The following SECISBP2L variants were observed in gnomAD, a reference collection of about 807,000 sequenced individuals.
SECISBP2L encodes selenocysteine insertion sequence-binding protein 2-like.
In SECISBP2L, 43 loss-of-function variants were observed where a neutral mutation model predicts 114.7. That is an observed-to-expected ratio of 0.38 (90% CI 0.29 to 0.48). SECISBP2L has a LOEUF of 0.48. Ranked by LOEUF, SECISBP2L falls within the 20% of genes least tolerant of loss-of-function variation. The pLI is 0.98. For missense variants in SECISBP2L, 1,136 were observed against 1,301.1 expected, an observed-to-expected ratio of 0.87 and a Z score of 1.95; for synonymous variants, 451 against 439.7, an observed-to-expected ratio of 1.03 and a Z score of -0.32.
At chr15:49,023,693 GA>G (rs1447075107) in intron 7 of SECISBP2L, among the ~76,000 whole-genome samples, 1 of 152,164 alleles carries the variant, frequency 6.6e-6, no homozygotes, top group Non-Finnish European at 1.5e-5. Flanking sequence ...TGTCTAAAAG[GA>G]AAAAGTGTGG....
chr15:49,038,519 G>T (rs1259878063), intron 1 of SECISBP2L, among the ~76,000 whole-genome samples: 2 of 151,846 alleles, frequency 1.3e-5, no homozygotes, highest in Non-Finnish European at 2.9e-5. Context: ...ATAAAAGTCA[G>T]GATAGGAATT....
At chr15:49,014,264 T>C (rs531907516) in intron 11 of SECISBP2L, among the ~76,000 whole-genome samples, 1 of 152,310 alleles carries the variant, frequency 6.6e-6, no homozygotes, top group African/African-American at 2.4e-5. Flanking sequence ...TTATTTTTCT[T>C]ACTCTTTCTC....
chr15:49,015,285 C>CT (rs1902513895), intron 11 of SECISBP2L, among the ~76,000 whole-genome samples: 1 of 152,102 alleles, frequency 6.6e-6, no homozygotes, highest in Non-Finnish European at 1.5e-5. Flanking sequence ...TATTTTTACT[C>CT]TTAAGTGAGA....
chr15:48,992,843 T>G lies in SECISBP2L; in HGVS notation c.2707A>C (p.Thr903Pro). ...NEKEVSCKHSTSEKPSKLPFD... is the reference protein window; with the variant it reads ...NEKEVSCKHSPSEKPSKLPFD... Reference sequence around the variant, plus strand: ...GGAAGTTTACTGGGTTTTTCAGAAGTGCTGTGCTTACAGGATACCTCTTTC... The same window carrying G: ...GGAAGTTTACTGGGTTTTTCAGAAGGGCTGTGCTTACAGGATACCTCTTTC... The change falls in exon 18 of 18, where the codon ACT becomes CCT. Residue 903 changes from threonine to proline, a missense_variant. By Grantham distance (38) the Thr-to-Pro change is conservative. Coordinates refer to ENST00000559471, the MANE Select transcript of SECISBP2L (RefSeq NM_001193489.2). The G allele has an allele frequency of 6.2e-7, 1 of 1,614,174 alleles. No homozygotes were observed. The highest frequency in any genetic ancestry group is 8.5e-7 in the Non-Finnish European group (1 of 1,180,022).
Position 49,046,135 on chromosome 15 carries a change from G to C in SECISBP2L, c.24+141C>G, listed in dbSNP as rs1265184445. 7 of 907,494 alleles carry C rather than the reference G, an allele frequency of 7.7e-6. No homozygotes were observed. The African/African-American group carries it at 1.1e-4, about 14-fold the overall frequency. The allele number at this position is 907,494 out of a possible 1,614,324, so 56.2% of individuals were successfully genotyped here. ...CAGCTGGAACAATGAAGGAGAGCTG[G>C]GAGCTGCCAGGCTCCCAGGTGAGGG... On this transcript the variant is annotated intron_variant, in intron 1 of 17. Coordinates refer to ENST00000559471, the MANE Select transcript of SECISBP2L (RefSeq NM_001193489.2).
At chr15:48,996,120 C>G in intron 17 of SECISBP2L, 1 of 429,898 alleles carries the variant, frequency 2.3e-6, no homozygotes, top group East Asian at 4.5e-5. Flanking sequence ...GTGTGTTTTG[C>G]TTTTTAAAGC....
intron 8 of SECISBP2L, 154 bp from the exon 9 acceptor site, chr15:49,017,782 C>T (rs561970701): frequency 3.8e-6 from 2 of 527,798 alleles, no homozygotes; most frequent in South Asian, 2.8e-5. Context: ...TCATTTCTCA[C>T]ATGCTAAAAT....
At chr15:49,018,544 C>T (rs550958440) in intron 8 of SECISBP2L, among the ~76,000 whole-genome samples, 3 of 152,272 alleles carry the variant, frequency 2.0e-5, no homozygotes, top group Admixed American at 1.3e-4. Flanking sequence ...GCTGGGATTA[C>T]AGGCATTAGC....
At position 49,011,986 on chromosome 15, in the gene SECISBP2L, A is replaced by C. The variant is rs1012146993; in HGVS notation, c.1732-123T>G. The stretch of plus-strand genomic sequence containing the variant: ...AAACATGAACATGAGAAGTTTGGCT[A>C]ACTGGCAAAAAGGCAAATGTAATTT... On this transcript the variant is annotated intron_variant, in intron 12 of 17. Coordinates refer to ENST00000559471, the MANE Select transcript of SECISBP2L (RefSeq NM_001193489.2). 9.1e-6 allele frequency: 10 copies of C among 1,096,442 alleles called. No homozygotes were observed. In the African/African-American group the frequency reaches 1.6e-4, roughly 17 times the overall value. The allele number at this position is 1,096,442 out of a possible 1,614,324, so 67.9% of individuals were successfully genotyped here.
At chr15:49,013,365 C>T (rs529209844) in intron 11 of SECISBP2L, among the ~76,000 whole-genome samples, 26 of 152,256 alleles carry the variant, frequency 1.7e-4, no homozygotes, top group Middle Eastern at 3.4e-3. Context: ...GGCACGATCT[C>T]GGCTCACTGA....
At position 48,992,962 on chromosome 15, in the gene SECISBP2L, C is replaced by G. The variant is rs749056822; in HGVS notation, c.2624-36G>C. 40 of 1,543,284 alleles carry G rather than the reference C, an allele frequency of 2.6e-5. 2 individuals are homozygous for G. The South Asian group carries it at 4.8e-4, about 19-fold the overall frequency. ...CAAGCAGATTTTTTAAAAACCAGAA[C>G]ACTGTTTCAAAATCATGCAACTCTT... On this transcript the variant is annotated intron_variant, in intron 17 of 17. Coordinates refer to ENST00000559471, the MANE Select transcript of SECISBP2L (RefSeq NM_001193489.2).
At chr15:49,022,608 A>C (rs1212758984) in intron 7 of SECISBP2L, among the ~76,000 whole-genome samples, 1 of 152,138 alleles carries the variant, frequency 6.6e-6, no homozygotes, top group Admixed American at 6.5e-5. Context: ...TCTCAAAAAA[A>C]AGATTCAAAA....
intron 6 of SECISBP2L, 148 bp downstream of exon 6, chr15:49,027,996 C>T (rs1161995797): frequency 1.4e-6 from 1 of 728,258 alleles, no homozygotes; most frequent in East Asian, 2.7e-5. Flanking sequence ...TCAAGCTGAT[C>T]AGCAAAACTG....
In SECISBP2L at chr15:49,033,114, AAAAC is replaced by A; in HGVS notation, c.529-18_529-15del. 6.2e-7 allele frequency: 1 copy of A among 1,600,410 alleles called. No individual in the cohort carries two copies. Among genetic ancestry groups the A allele is most frequent in the Non-Finnish European group, 8.5e-7 (1 of 1,176,184 alleles). ...TAAAAGCTGTTGCTGATTTAAAAAA[AAAAC>A]AAAAAAACAAAAAACACACAACTAT... On this transcript the variant is annotated splice_polypyrimidine_tract_variant and intron_variant, in intron 3 of 17. Coordinates refer to ENST00000559471, the MANE Select transcript of SECISBP2L (RefSeq NM_001193489.2).
chr15:49,006,584 T>C (rs1179086557), intron 14 of SECISBP2L, among the ~76,000 whole-genome samples: 1 of 152,156 alleles, frequency 6.6e-6, no homozygotes, highest in Non-Finnish European at 1.5e-5. Flanking sequence ...TCGTGCTGTT[T>C]TTCAGCTCCA....
intron 4 of SECISBP2L, among the ~76,000 whole-genome samples, chr15:49,031,605 C>T (rs554600255): frequency 2.0e-5 from 3 of 152,022 alleles, no homozygotes; most frequent in African/African-American, 7.2e-5. Flanking sequence ...ATATTTAATT[C>T]GATCTCTGAT....
chr15:49,010,055 C>T (rs1300885605), intron 13 of SECISBP2L, among the ~76,000 whole-genome samples: 1 of 151,034 alleles, frequency 6.6e-6, no homozygotes, highest in African/African-American at 2.4e-5. Flanking sequence ...ATCGCTTGAA[C>T]CCGGAGGTGG....
intron 4 of SECISBP2L, among the ~76,000 whole-genome samples, chr15:49,030,033 G>A (rs1213926754): frequency 1.8e-4 from 22 of 122,922 alleles, no homozygotes; most frequent in Middle Eastern, 4.3e-3. Flanking sequence ...AATCATAACT[G>A]TACCAAGACA....
intron 3 of SECISBP2L, among the ~76,000 whole-genome samples, chr15:49,034,743 C>T (rs1000177063): frequency 3.5e-5 from 5 of 143,586 alleles, no homozygotes; most frequent in African/African-American, 1.3e-4. Flanking sequence ...CAGTTCACTG[C>T]AGTCTTGACC....
Sources: allele counts gnomAD v4.1 joint callset (sites outside exome capture counted in the v4.1 genomes callset), GRCh38; gene constraint gnomAD v4.1.1; transcripts MANE v1.5; gene names NCBI Gene and HGNC (gene_info 2026-07-23, HGNC 2026-07-21).